Variants in COG6 observed in about 807,000 individuals in gnomAD.
COG6 encodes conserved oligomeric Golgi complex subunit 6.
COG6 carries 74 observed loss-of-function variants against 88.8 expected under a neutral mutation model. The ratio of observed to expected loss-of-function variants is 0.83; its 90% CI spans 0.69 to 1.01. The LOEUF is 1.01. COG6 is among the 50% of genes least tolerant of loss of function. The pLI is 0.00. For synonymous variants in COG6, 286 were observed against 278.7 expected, an observed-to-expected ratio of 1.03 and a Z score of -0.26; for missense variants, 800 against 797.9, an observed-to-expected ratio of 1.00 and a Z score of -0.03.
At chr13:39,669,201 T>C (rs1875468550) in intron 4 of COG6, among the ~76,000 whole-genome samples, 1 of 152,224 alleles carries the variant, frequency 6.6e-6, no homozygotes, top group African/African-American at 2.4e-5. Context: ...TAAAATTAGA[T>C]TGCATTTTAT....
intron 10 of COG6, among the ~76,000 whole-genome samples, chr13:39,689,004 C>A (rs1287362722): frequency 2.0e-5 from 3 of 152,106 alleles, no homozygotes; most frequent in African/African-American, 7.2e-5. Context: ...TCTAACTCTT[C>A]AGTATCAAGA....
At chr13:39,774,522 G>T (rs545759668) in intron 18 of COG6, among the ~76,000 whole-genome samples, 2 of 151,812 alleles carry the variant, frequency 1.3e-5, no homozygotes, top group Admixed American at 1.3e-4. Flanking sequence ...GTTTGGAGCA[G>T]AATTTTAAAT....
intron 18 of COG6, among the ~76,000 whole-genome samples, chr13:39,767,935 G>T (rs1310825478): frequency 6.6e-6 from 1 of 152,154 alleles, no homozygotes; most frequent in Non-Finnish European, 1.5e-5. Flanking sequence ...GATGAGACTT[G>T]GTTACATTTA....
intron 5 of COG6, among the ~76,000 whole-genome samples, chr13:39,678,769 T>G (rs1467484360): frequency 1.3e-5 from 2 of 152,056 alleles, no homozygotes; most frequent in Non-Finnish European, 2.9e-5. Context: ...ATGGAACCAG[T>G]CATTTGGGTG....
intron 18 of COG6, among the ~76,000 whole-genome samples, chr13:39,741,057 G>T (rs1263830487): frequency 6.6e-6 from 1 of 152,172 alleles, no homozygotes; most frequent in South Asian, 2.1e-4. Flanking sequence ...TTAATGACAA[G>T]CTCACTGATT....
At chr13:39,761,068 G>A (rs558353902) in intron 18 of COG6, among the ~76,000 whole-genome samples, 1 of 151,854 alleles carries the variant, frequency 6.6e-6, no homozygotes, top group African/African-American at 2.4e-5. Flanking sequence ...TTGGGAATAT[G>A]GTTGGGATTA....
chr13:39,733,032 A>G (rs1566032281), intron 18 of COG6, among the ~76,000 whole-genome samples: 1 of 152,118 alleles, frequency 6.6e-6, no homozygotes, highest in East Asian at 1.9e-4. Context: ...TCACCTTTGA[A>G]AAGCTAAGTA....
chr13:39,757,680 G>A (rs1359002084), intron 18 of COG6, among the ~76,000 whole-genome samples: 1 of 151,846 alleles, frequency 6.6e-6, no homozygotes, highest in Non-Finnish European at 1.5e-5. Flanking sequence ...CAGTGGAAGT[G>A]GACAAATGAA....
intron 2 of COG6, 25 bp downstream of exon 2, chr13:39,659,532 A>T: frequency 6.3e-7 from 1 of 1,599,586 alleles, no homozygotes; most frequent in Non-Finnish European, 8.6e-7. Context: ...TTCATTTAGC[A>T]TATATTGAGA....
intron 12 of COG6, among the ~76,000 whole-genome samples, chr13:39,695,321 A>G (rs1481679316): frequency 6.6e-6 from 1 of 151,658 alleles, no homozygotes; most frequent in Admixed American, 6.6e-5. Flanking sequence ...GTGATCTTTG[A>G]CTCCAAAATA....
At chr13:39,656,291 G>A (rs1031179757) in intron 1 of COG6, 2 of 436,614 alleles carry the variant, frequency 4.6e-6, no homozygotes, top group Non-Finnish European at 4.6e-6. Context: ...GCAAATGGGG[G>A]TCGGGAGACC....
intron 15 of COG6, among the ~76,000 whole-genome samples, chr13:39,722,740 A>C (rs1878916194): frequency 6.6e-6 from 1 of 152,038 alleles, no homozygotes; most frequent in Non-Finnish European, 1.5e-5. Context: ...AAATAGCACA[A>C]AGCTGGGGAG....
At chr13:39,750,577 C>G (rs547726457) in intron 18 of COG6, among the ~76,000 whole-genome samples, 2 of 152,232 alleles carry the variant, frequency 1.3e-5, no homozygotes, top group South Asian at 4.1e-4. Flanking sequence ...AAGCATCTTT[C>G]TTTAATGTGT....
Position 39,659,024 on chromosome 13 carries a change from T to C in COG6, c.154-340T>C, listed in dbSNP as rs529087973. Among the ~76,000 whole-genome samples the C allele has an allele frequency of 2.1e-5, 3 of 140,596 alleles. No individual in the cohort carries two copies. In the East Asian group the frequency reaches 6.3e-4, roughly 30 times the overall value. The allele number at this position is 140,596 out of a possible 152,430, so 92.2% of individuals were successfully genotyped here. On this transcript the variant is annotated intron_variant, in intron 1 of 18. Transcript: ENST00000455146. ...TTCACTTAACATATCTCAAAGCTTA[T>C]ACTACGTAAGTGCATAAAGATTTTT...
intron 16 of COG6, among the ~76,000 whole-genome samples, chr13:39,724,284 A>G (rs1268435529): frequency 6.6e-6 from 1 of 151,870 alleles, no homozygotes; most frequent in Non-Finnish European, 1.5e-5. Flanking sequence ...GTATCATGAT[A>G]TTTCTGTTGT....
chr13:39,780,110 A>G (rs555499053), intron 18 of COG6, among the ~76,000 whole-genome samples: 21 of 152,324 alleles, frequency 1.4e-4, no homozygotes, highest in African/African-American at 5.1e-4. Context: ...CTGAGAAAAG[A>G]GTTTTGAATT....
intron 18 of COG6, among the ~76,000 whole-genome samples, chr13:39,770,565 CT>C (rs1425478988): frequency 3.9e-5 from 6 of 152,224 alleles, no homozygotes; most frequent in Non-Finnish European, 8.8e-5. Flanking sequence ...ACCCTGCCCC[CT>C]GTATTATGCT....
At chr13:39,719,991 C>T (rs1215838709) in intron 15 of COG6, among the ~76,000 whole-genome samples, 164 bp downstream of exon 15, 1 of 73,390 alleles carries the variant, frequency 1.4e-5, no homozygotes, top group Non-Finnish European at 2.6e-5. Flanking sequence ...CACGCACATA[C>T]ACAACACACA....
At chr13:39,733,189 CTTTTTT>C (rs914935008) in intron 18 of COG6, among the ~76,000 whole-genome samples, 1 of 133,268 alleles carries the variant, frequency 7.5e-6, no homozygotes. Context: ...AGAAAGAATT[CTTTTTT>C]TTTTTTTTTT....
Sources: allele counts gnomAD v4.1 joint callset (sites outside exome capture counted in the v4.1 genomes callset), GRCh38; gene constraint gnomAD v4.1.1; transcripts MANE v1.5; gene names NCBI Gene and HGNC (gene_info 2026-07-23, HGNC 2026-07-21).